NFIX: variants seen among roughly 807,000 people sequenced by gnomAD.
NFIX encodes the protein nuclear factor 1 X-type.
A neutral mutation model predicts 53.3 loss-of-function variants in NFIX; 2 were observed. That is an observed-to-expected ratio of 0.04 (90% CI 0.02 to 0.12). The LOEUF (loss-of-function observed/expected upper bound fraction) is 0.12. Ranked by LOEUF, NFIX falls within the 10% of genes least tolerant of loss-of-function variation. The pLI is 1.00. For synonymous variants in NFIX, 244 were observed against 289.0 expected, an observed-to-expected ratio of 0.84 and a Z score of 1.58; for missense variants, 310 against 674.5, an observed-to-expected ratio of 0.46 and a Z score of 5.99.
Position 13,078,502 on chromosome 19 carries a change from G to T in NFIX, c.956-111G>T, listed in dbSNP as rs1275997496. 11 of 1,323,784 alleles carry T rather than the reference G, an allele frequency of 8.3e-6. No individual in the cohort carries two copies. The highest frequency in any genetic ancestry group is 1.1e-5 in the Non-Finnish European group (11 of 961,602). 82.0% of individuals were successfully genotyped at this position (1,323,784 alleles called of 1,614,324 possible). A position where few individuals can be genotyped will look rare whatever the true frequency, so the allele number is the denominator to read the frequency against. ...CAGGAGGGAGCACAGTGGAGGAAGG[G>T]GCAGTGGGGAGGGGCTGAGGAGAGA... On this transcript the variant is annotated intron_variant, in intron 6 of 10. Coordinates refer to ENST00000592199, the MANE Select transcript of NFIX (RefSeq NM_001365902.3). This position sits in a 1 kb window ranked among gnomAD's most constrained non-coding sequence, Gnocchi z 4.7.
In NFIX at chr19:13,013,017, C is replaced by T. The variant is rs77637881; in HGVS notation, c.28-12004C>T. Among the ~76,000 whole-genome samples, 1,563 of 152,016 alleles carry T rather than the reference C, an allele frequency of 0.01. 28 individuals are homozygous for T. The highest frequency in any genetic ancestry group is 0.036 in the African/African-American group (1,502 of 41,456). On this transcript the variant is annotated intron_variant, in intron 1 of 10. Coordinates refer to ENST00000592199, the MANE Select transcript of NFIX (RefSeq NM_001365902.3). This position sits in a 1 kb window ranked among gnomAD's most constrained non-coding sequence, Gnocchi z 5.9. ...ACTAAGTGGCAGAAAATGCGCTTTC[C>T]CTTTCTCTCTCTTCTGCCTTCGGGC... is the stretch of plus-strand genomic sequence containing the variant.
At chr19:13,003,626 T>G (rs1450530203) in intron 1 of NFIX, among the ~76,000 whole-genome samples, 1 of 152,050 alleles carries the variant, frequency 6.6e-6, no homozygotes, top group Admixed American at 6.5e-5. Context: ...TTTCACCCAT[T>G]GGGAAATGTC....
At chr19:13,007,171 CT>C (rs1308927011) in intron 1 of NFIX, among the ~76,000 whole-genome samples, 3 of 152,050 alleles carry the variant, frequency 2.0e-5, no homozygotes, top group Admixed American at 2.0e-4. Flanking sequence ...TTTGGCATCT[CT>C]TCCCCCTCCC....
intron 1 of NFIX, chr19:13,024,662 T>A: frequency 6.5e-7 from 1 of 1,536,366 alleles, no homozygotes; most frequent in Non-Finnish European, 8.7e-7. Flanking sequence ...CGACAGAGCC[T>A]GGCGGGGATA....
chr19:13,026,497 C>T (rs1215056578), intron 2 of NFIX, among the ~76,000 whole-genome samples: 1 of 152,114 alleles, frequency 6.6e-6, no homozygotes, highest in African/African-American at 2.4e-5. Flanking sequence ...TAGTTCTCCT[C>T]CTCTGTTCCT....
In NFIX at chr19:13,073,164, T is replaced by C; in HGVS notation, c.622+55T>C. The C allele has an allele frequency of 1.9e-6, 3 of 1,554,258 alleles. No individual in the cohort carries two copies. In the East Asian group the frequency reaches 6.7e-5, roughly 35 times the overall value. ...TTATCCTTCATGCCCCTCCACTTCC[T>C]TCCCCCACCCTGGCTGCCCTGGCCA... On this transcript the variant is annotated intron_variant, in intron 3 of 10. Coordinates refer to ENST00000592199, the MANE Select transcript of NFIX (RefSeq NM_001365902.3). This position sits in a 1 kb window ranked among gnomAD's most constrained non-coding sequence, Gnocchi z 4.5.
intron 2 of NFIX, among the ~76,000 whole-genome samples, chr19:13,062,837 C>CTGAGTGCTCTCTCACAGGGGTAT (rs2016174955): frequency 2.0e-5 from 3 of 152,196 alleles, no homozygotes; most frequent in Admixed American, 6.5e-5. Flanking sequence ...AGCCTGGGTA[C>CTGAGTGCTCTCTCACAGGGGTAT]TGAGTGCTCT....
In NFIX at chr19:13,022,055, A is replaced by T. The variant is rs571569921; in HGVS notation, c.28-2966A>T. ...TAATCTCAGGTCAACTGGAGAGGGCAGATCTGGAGAATTAAATGCCTGTGC... is the reference window on the plus strand; with the variant it reads ...TAATCTCAGGTCAACTGGAGAGGGCTGATCTGGAGAATTAAATGCCTGTGC... On this transcript the variant is annotated intron_variant, in intron 1 of 10. Transcript: ENST00000592199. This position sits in a 1 kb window ranked among gnomAD's most constrained non-coding sequence, Gnocchi z 4.5. Among the ~76,000 whole-genome samples, 1 of 152,284 alleles carries T rather than the reference A, an allele frequency of 6.6e-6. No individual in the cohort carries two copies. The highest frequency in any genetic ancestry group is 2.1e-4 in the South Asian group (1 of 4,820).
chr19:13,056,633 C>T (rs1015004525), intron 2 of NFIX, among the ~76,000 whole-genome samples: 7 of 152,190 alleles, frequency 4.6e-5, no homozygotes, highest in African/African-American at 1.7e-4. Flanking sequence ...AGCCCAGTGC[C>T]TACACCCGAG....
intron 8 of NFIX, chr19:13,082,195 C>G: frequency 3.2e-6 from 1 of 309,316 alleles, no homozygotes; most frequent in Admixed American, 4.5e-5. Flanking sequence ...CAGCGCTCCT[C>G]TTAAACCTCG....
chr19:13,079,861 G>C (rs1198597366), intron 7 of NFIX, among the ~76,000 whole-genome samples: 2 of 152,252 alleles, frequency 1.3e-5, no homozygotes, highest in African/African-American at 2.4e-5. Context: ...GCTCTGGGTT[G>C]GGAATTGCGT....
At chr19:13,023,070 T>TTCTCTCTCTCTCTC (rs3840930) in intron 1 of NFIX, among the ~76,000 whole-genome samples, 1,476 of 138,102 alleles carry the variant, frequency 0.011, 54 homozygotes, top group African/African-American at 0.039. Flanking sequence ...TTCTCTCTCT[T>TTCTCTCTCTCTCTC]TCTCTCTCTC....
Position 13,087,605 on chromosome 19 carries a change from G to A in NFIX, c.1255-384G>A, listed in dbSNP as rs180924495. On this transcript the variant is annotated intron_variant, in intron 8 of 10. Transcript: ENST00000592199. ...GGAGCCGGGGGAGCAGGGTGAGCGCGCTCATCTTTCCTGCTGTAGGAGATG... is the reference window on the plus strand; with the variant it reads ...GGAGCCGGGGGAGCAGGGTGAGCGCACTCATCTTTCCTGCTGTAGGAGATG... 1.0e-3 allele frequency among the ~76,000 whole-genome samples: 152 copies of A among 152,034 alleles called. 1 individual carries two copies. The highest frequency in any genetic ancestry group is 6.8e-3 in the Middle Eastern group (2 of 294).
intron 2 of NFIX, among the ~76,000 whole-genome samples, chr19:13,029,812 C>G (rs2013657519): frequency 6.6e-6 from 1 of 152,182 alleles, no homozygotes; most frequent in Non-Finnish European, 1.5e-5. Flanking sequence ...TTTCGGCACT[C>G]TAGTTTAGGG....
At position 13,097,131 on chromosome 19, in the gene NFIX, C is replaced by T. The variant is rs2018511544; in HGVS notation, c.*2482C>T. The T allele has an allele frequency of 6.6e-6, 1 of 151,104 alleles. No individual in the cohort carries two copies. 9.4% of individuals were successfully genotyped at this position (151,104 alleles called of 1,614,324 possible). A position where few individuals can be genotyped will look rare whatever the true frequency, so the allele number is the denominator to read the frequency against. On this transcript the variant is annotated 3_prime_UTR_variant, in exon 11 of 11. Transcript: ENST00000592199. ...CGCTAAAAGAACCGGGCCTGCCCCGCCCTGCGCGGGGATAACGAAAGCTGA... is the reference window on the plus strand; with the variant it reads ...CGCTAAAAGAACCGGGCCTGCCCCGTCCTGCGCGGGGATAACGAAAGCTGA...
chr19:13,074,064 CT>C (rs761527333), intron 5 of NFIX, 38 bp downstream of exon 5: 1 of 1,612,770 alleles, frequency 6.2e-7, no homozygotes, highest in Non-Finnish European at 8.5e-7. Context: ...CTTCTCTCCA[CT>C]CCCCCCAGGG....
At chr19:13,053,687 A>T (rs2015466863) in intron 2 of NFIX, among the ~76,000 whole-genome samples, 1 of 152,192 alleles carries the variant, frequency 6.6e-6, no homozygotes, top group African/African-American at 2.4e-5. Context: ...GGGGTTCAGA[A>T]GGGTGGATTT....
chr19:13,046,752 A>G (rs1050911592), intron 2 of NFIX, among the ~76,000 whole-genome samples: 1 of 152,190 alleles, frequency 6.6e-6, no homozygotes, highest in Non-Finnish European at 1.5e-5. Flanking sequence ...GCATGTCTCC[A>G]AGCATGTGAA....
chr19:13,001,666 G>A lies in NFIX; in HGVS notation c.27+5802G>A, dbSNP rs1384546852. On this transcript the variant is annotated intron_variant, in intron 1 of 10. Coordinates refer to ENST00000592199, the MANE Select transcript of NFIX (RefSeq NM_001365902.3). The surrounding 1 kb of genome is among the most constrained non-coding windows in gnomAD (Gnocchi z 6.5). The stretch of plus-strand genomic sequence containing the variant: ...AACTTGTGTCCACATACGTGTCAAC[G>A]CACGTGTCTCCAGTGTCATCACCCT... Among the ~76,000 whole-genome samples the A allele has an allele frequency of 3.9e-5, 6 of 152,162 alleles. No individual in the cohort carries two copies. Among genetic ancestry groups the A allele is most frequent in the African/African-American group, 1.2e-4 (5 of 41,440 alleles).
Sources: allele counts gnomAD v4.1 joint callset (sites outside exome capture counted in the v4.1 genomes callset), GRCh38; gene constraint gnomAD v4.1.1; non-coding constraint Gnocchi (gnomAD v3.1); transcripts MANE v1.5; gene names NCBI Gene and HGNC (gene_info 2026-07-23, HGNC 2026-07-21).